ZNF385A: variants seen among roughly 807,000 people sequenced by gnomAD.
The protein encoded by ZNF385A is hematopoietic zinc finger protein.
In ZNF385A, 14 loss-of-function variants were observed where a neutral mutation model predicts 32.1. The ratio of observed to expected loss-of-function variants is 0.44; its 90% CI spans 0.29 to 0.68. ZNF385A has a LOEUF of 0.68. ZNF385A is among the 30% of genes least tolerant of loss of function. ZNF385A has a pLI of 0.14. For synonymous variants in ZNF385A, 197 were observed against 202.7 expected (o/e 0.97, Z 0.24); for missense variants, 406 against 478.4 (o/e 0.85, Z 1.41).
chr12:54,371,385 G>C (rs1954542159), intron 4 of ZNF385A, 88 bp downstream of exon 4: 1 of 1,524,468 alleles, frequency 6.6e-7, no homozygotes, highest in East Asian at 2.2e-5. Flanking sequence ...AGATGGTCTA[G>C]GGATGTTGGA....
chr12:54,373,017 C>T (rs112611834), intron 3 of ZNF385A: 204 of 167,506 alleles, frequency 1.2e-3, no homozygotes, highest in African/African-American at 3.1e-3. Context: ...CTAGCCTGGG[C>T]GACAGAGTGA....
chr12:54,370,928 T>A lies in ZNF385A; in HGVS notation c.773A>T (p.Gln258Leu). ...VKVNSEVQLK[Q>L]HISSRRHRDG... ...TCCTGGGAAGGGCCTTAGACCCACC[T>A]GTTTCAGTTGGACCTCCGAGTTGAC... The change falls in exon 5 of 7, where the codon CAG (glutamine) becomes CTG (leucine). Residue 258 changes from glutamine to leucine, a missense_variant and splice_region_variant. Coordinates refer to ENST00000394313, the MANE Select transcript of ZNF385A (RefSeq NM_015481.3). This position sits in a 1 kb window ranked among gnomAD's most constrained non-coding sequence, Gnocchi z 5.5. The A allele has an allele frequency of 6.2e-7, 1 of 1,614,208 alleles. No individual in the cohort carries two copies. Among genetic ancestry groups the A allele is most frequent in the Non-Finnish European group, 8.5e-7 (1 of 1,180,026 alleles).
intron 1 of ZNF385A, chr12:54,379,238 G>A: frequency 3.1e-6 from 3 of 981,144 alleles, no homozygotes; most frequent in Non-Finnish European, 1.2e-6. Flanking sequence ...GCCCGGGCCG[G>A]AGCCCGCCCC....
chr12:54,384,466 G>A lies in ZNF385A; in HGVS notation c.49C>T (p.Pro17Ser). The change falls in exon 1 of 7, where the codon CCA (proline) becomes TCA (serine). Residue 17 changes from proline to serine, a missense_variant. Physicochemically the swap from Pro to Ser is moderately conservative, Grantham distance 74. Coordinates refer to ENST00000394313, the MANE Select transcript of ZNF385A (RefSeq NM_015481.3). ...LKQILPFPLEPAPTLGLFSNY... is the reference protein window; with the variant it reads ...LKQILPFPLESAPTLGLFSNY... ...CTGAAGAGGCCAAGGGTAGGGGCTG[G>A]CTCGAGTGGGAAGGGCAGGATCTGC... 2 of 1,590,826 alleles carry A rather than the reference G, an allele frequency of 1.3e-6. No homozygotes were observed. Among genetic ancestry groups the A allele is most frequent in the Middle Eastern group, 1.7e-4 (1 of 5,960 alleles).
intron 1 of ZNF385A, among the ~76,000 whole-genome samples, chr12:54,383,625 TG>T (rs1955312321): frequency 6.6e-6 from 1 of 152,230 alleles, no homozygotes; most frequent in African/African-American, 2.4e-5. Flanking sequence ...CTGGGTGTGG[TG>T]GCTCATGCCT....
At chr12:54,383,402 C>T (rs537380868) in intron 1 of ZNF385A, among the ~76,000 whole-genome samples, 41 of 152,014 alleles carry the variant, frequency 2.7e-4, no homozygotes, top group African/African-American at 9.4e-4. Flanking sequence ...CTTGAAATTA[C>T]CTCCCCCATT....
intron 2 of ZNF385A, among the ~76,000 whole-genome samples, chr12:54,375,331 G>A (rs1043514965): frequency 6.6e-6 from 1 of 152,184 alleles, no homozygotes; most frequent in Admixed American, 6.5e-5. Flanking sequence ...AAGAGTAGGG[G>A]CCAGGCCTTG....
Position 54,370,742 on chromosome 12 carries a change from G to C in ZNF385A, c.775-21C>G. On this transcript the variant is annotated intron_variant, in intron 5 of 6. Coordinates refer to ENST00000394313, the MANE Select transcript of ZNF385A (RefSeq NM_015481.3). This position sits in a 1 kb window ranked among gnomAD's most constrained non-coding sequence, Gnocchi z 5.5. ...ATGTGCTGCGGGGGCCAGTGGATAG[G>C]GGGCTGTGAGCTCCCGGAAAGGGGC... 8 of 1,578,380 alleles carry C rather than the reference G, an allele frequency of 5.1e-6. No homozygotes were observed. Among genetic ancestry groups the C allele is most frequent in the Non-Finnish European group, 6.9e-6 (8 of 1,165,704 alleles).
intron 4 of ZNF385A, 98 bp downstream of exon 4, chr12:54,371,375 A>T (rs901453910): frequency 3.4e-6 from 5 of 1,485,024 alleles, no homozygotes; most frequent in Non-Finnish European, 4.5e-6. Flanking sequence ...GATAGGTCTT[A>T]GATGGTCTAG....
At position 54,370,172 on chromosome 12, in the gene ZNF385A, C is replaced by T; in HGVS notation, c.*84G>A. ...GAAGGAGAGATCATTTAGGGAGTGC[C>T]GGGAGGAGGGGCGGGCTGGGAGCCC... On this transcript the variant is annotated 3_prime_UTR_variant, in exon 7 of 7. Coordinates refer to ENST00000394313, the MANE Select transcript of ZNF385A (RefSeq NM_015481.3). The surrounding 1 kb of genome is among the most constrained non-coding windows in gnomAD (Gnocchi z 5.5). The T allele has an allele frequency of 1.8e-6, 2 of 1,086,498 alleles. No homozygotes were observed. Among genetic ancestry groups the T allele is most frequent in the African/African-American group, 1.7e-5 (1 of 60,134 alleles). The allele number at this position is 1,086,498 out of a possible 1,614,324, so 67.3% of individuals were successfully genotyped here.
In ZNF385A at chr12:54,370,370, G is replaced by C. The variant is rs568085905; in HGVS notation, c.987C>G (p.Arg329=). The C allele has an allele frequency of 7.3e-6, 11 of 1,514,176 alleles. No homozygotes were observed. The African/African-American group carries it at 1.3e-4, about 17-fold the overall frequency. The allele number at this position is 1,514,176 out of a possible 1,614,324, so 93.8% of individuals were successfully genotyped here. The change falls in exon 7 of 7, where the codon CGC becomes CGG. Residue 329 remains arginine (R), a synonymous_variant. Coordinates refer to ENST00000394313, the MANE Select transcript of ZNF385A (RefSeq NM_015481.3). This position sits in a 1 kb window ranked among gnomAD's most constrained non-coding sequence, Gnocchi z 5.5. ...GGAGAAGAGGTGCGGCTGGAGCCGG[G>C]CGCAGGGACAGCGGCGAGCCTGCTG... ...AAAAGSPLSL[R]PAPAAPLLQG...
chr12:54,379,200 C>T, intron 1 of ZNF385A: 1 of 981,332 alleles, frequency 1.0e-6, no homozygotes, highest in Non-Finnish European at 1.2e-6. Flanking sequence ...TGCGGCCCGG[C>T]CGGCGGGGAG....
chr12:54,377,311 G>A (rs1954897576), intron 1 of ZNF385A, among the ~76,000 whole-genome samples: 1 of 152,202 alleles, frequency 6.6e-6, no homozygotes, highest in Non-Finnish European at 1.5e-5. Context: ...TGGTCTGACT[G>A]ACAAGTGTCA....
At chr12:54,377,477 T>A (rs879825766) in intron 1 of ZNF385A, among the ~76,000 whole-genome samples, 14 of 152,154 alleles carry the variant, frequency 9.2e-5, no homozygotes, top group Non-Finnish European at 2.1e-4. Flanking sequence ...AATCTGTGCA[T>A]GGGTGGAGTG....
Position 54,370,740 on chromosome 12 carries a change from A to AG in ZNF385A, c.775-20dup, listed in dbSNP as rs1359195539. 21 of 1,579,170 alleles carry AG rather than the reference A, an allele frequency of 1.3e-5. No individual in the cohort carries two copies. The Middle Eastern group carries it at 8.7e-4, about 65-fold the overall frequency. On this transcript the variant is annotated intron_variant, in intron 5 of 6. Coordinates refer to ENST00000394313, the MANE Select transcript of ZNF385A (RefSeq NM_015481.3). This position sits in a 1 kb window ranked among gnomAD's most constrained non-coding sequence, Gnocchi z 5.5. ...AGATGTGCTGCGGGGGCCAGTGGAT[A>AG]GGGGGCTGTGAGCTCCCGGAAAGGG...
In ZNF385A at chr12:54,370,383, G is replaced by T. The variant is rs1383468881; in HGVS notation, c.974C>A (p.Pro325Gln). The change falls in exon 7 of 7, where the codon CCG becomes CAG. Residue 325 changes from proline to glutamine, a missense_variant. Pro to Gln is a moderately conservative substitution (Grantham distance 76, BLOSUM62 -1). Transcript: ENST00000394313. This position sits in a 1 kb window ranked among gnomAD's most constrained non-coding sequence, Gnocchi z 5.5. ...GGCTGGAGCCGGGCGCAGGGACAGC[G>T]GCGAGCCTGCTGCCGCTGCCATCAC... is the stretch of plus-strand genomic sequence containing the variant. ...AAVMAAAAGS[P>Q]LSLRPAPAAP... The T allele has an allele frequency of 2.0e-6, 3 of 1,524,940 alleles. No individual in the cohort carries two copies. The African/African-American group carries it at 4.2e-5, about 21-fold the overall frequency. 94.5% of individuals were successfully genotyped at this position (1,524,940 alleles called of 1,614,324 possible).
intron 1 of ZNF385A, among the ~76,000 whole-genome samples, chr12:54,382,205 G>A (rs1404649902): frequency 1.3e-5 from 2 of 150,982 alleles, no homozygotes; most frequent in African/African-American, 2.4e-5. Flanking sequence ...GTAGCTGGGA[G>A]TACAGGCGCC....
chr12:54,390,203 C>T (rs1352762857), intron 1 of ZNF385A, among the ~76,000 whole-genome samples: 1 of 151,874 alleles, frequency 6.6e-6, no homozygotes, highest in Non-Finnish European at 1.5e-5. Flanking sequence ...TAAACAGATC[C>T]CAGAAACCAG....
chr12:54,376,587 G>T (rs1021269020), intron 1 of ZNF385A, among the ~76,000 whole-genome samples: 1 of 152,192 alleles, frequency 6.6e-6, no homozygotes. Context: ...GGGACTAAAT[G>T]GGGGGACCTA....
Sources: allele counts gnomAD v4.1 joint callset (sites outside exome capture counted in the v4.1 genomes callset), GRCh38; gene constraint gnomAD v4.1.1; non-coding constraint Gnocchi (gnomAD v3.1); transcripts MANE v1.5; gene names NCBI Gene and HGNC (gene_info 2026-07-23, HGNC 2026-07-21).